Variants in ZFHX3 observed in about 807,000 individuals in gnomAD.
ZFHX3 encodes the protein zinc finger homeobox 3, also known as zinc finger homeobox protein 3.
Under a neutral mutation model 279.1 loss-of-function variants are expected in ZFHX3, and 42 were observed. The observed-to-expected ratio is 0.15, with a 90% CI of 0.12 to 0.19. ZFHX3 has a LOEUF of 0.19. Among genes scored for constraint, ZFHX3 ranks in the 10% least tolerant of loss-of-function variants. ZFHX3 has a pLI of 1.00. For synonymous variants in ZFHX3, 2,293 were observed against 1,957.8 expected (o/e 1.17, Z -4.52); for missense variants, 4,981 against 4,754.0 (o/e 1.05, Z -1.40).
At chr16:73,327,388 A>C (rs1447996763) in intron 3 of ZFHX3, among the ~76,000 whole-genome samples, 1 of 152,176 alleles carries the variant, frequency 6.6e-6, no homozygotes, top group East Asian at 1.9e-4. Context: ...CCCTTCAAAG[A>C]GTCAGTCCTT....
At chr16:73,342,349 C>CTAATATAAT (rs2016048062) in intron 3 of ZFHX3, among the ~76,000 whole-genome samples, 1 of 152,076 alleles carries the variant, frequency 6.6e-6, no homozygotes, top group East Asian at 1.9e-4. Flanking sequence ...GACACCTGTC[C>CTAATATAAT]AACAATATAA....
chr16:72,853,960 AAAAAGAAAAGAAAAG>A (rs374264397), intron 4 of ZFHX3, among the ~76,000 whole-genome samples: 2 of 152,102 alleles, frequency 1.3e-5, no homozygotes, highest in Non-Finnish European at 2.9e-5. Context: ...AGGAAAAAAA[AAAAAGAAAAGAAAAG>A]AAAAGAAAAA....
Position 73,218,375 on chromosome 16 carries a change from G to T in ZFHX3, c.-1104+38672C>A, listed in dbSNP as rs144428725. Among the ~76,000 whole-genome samples the T allele has an allele frequency of 1.9e-3, 295 of 152,326 alleles. 2 individuals are homozygous for T. Among genetic ancestry groups the T allele is most frequent in the African/African-American group, 6.7e-3 (277 of 41,572 alleles). ...CTTGGATAAGGAAACACAGGATTAT[G>T]CAGAATAGTGCTGAGCTGGCTGCAG... On this transcript the variant is annotated intron_variant, in intron 5 of 17. Coordinates refer to the ZFHX3 transcript ENST00000641206.
In ZFHX3 at chr16:73,145,592, G is replaced by A. The variant is rs143704913; in HGVS notation, c.-1103-1761C>T. Among the ~76,000 whole-genome samples, 195 of 152,320 alleles carry A rather than the reference G, an allele frequency of 1.3e-3. 1 individual carries two copies. The highest frequency in any genetic ancestry group is 2.4e-3 in the Non-Finnish European group (166 of 68,024). On this transcript the variant is annotated intron_variant, in intron 5 of 17. Transcript: ENST00000641206. ...CCCTAACTGAAAGGCCTGCAGAGCCGCTTATTGATGACTGAGTTTTCCACT... is the reference window on the plus strand; with the variant it reads ...CCCTAACTGAAAGGCCTGCAGAGCCACTTATTGATGACTGAGTTTTCCACT...
At chr16:73,493,137 C>G (rs950757493) in intron 2 of ZFHX3, among the ~76,000 whole-genome samples, 7 of 152,024 alleles carry the variant, frequency 4.6e-5, no homozygotes, top group Non-Finnish European at 8.8e-5. Flanking sequence ...CCTCTCTGTT[C>G]TAACTTTCAG....
At chr16:73,724,703 G>A (rs118172043) in intron 1 of ZFHX3, among the ~76,000 whole-genome samples, 3 of 152,278 alleles carry the variant, frequency 2.0e-5, no homozygotes, top group South Asian at 4.1e-4. Flanking sequence ...CAACTTCCTC[G>A]GTTTTGGCTC....
At chr16:73,682,924 G>GAAAGAA (rs766109523) in intron 1 of ZFHX3, among the ~76,000 whole-genome samples, 2 of 43,474 alleles carry the variant, frequency 4.6e-5, no homozygotes, top group African/African-American at 7.6e-5. Context: ...AAGAGAGAAA[G>GAAAGAA]AGAAAGAAAG....
intron 4 of ZFHX3, among the ~76,000 whole-genome samples, chr16:72,855,204 C>T (rs1404678011): frequency 6.6e-6 from 1 of 152,216 alleles, no homozygotes; most frequent in Non-Finnish European, 1.5e-5. Context: ...AGATGGATGG[C>T]AAATTGCACC....
At chr16:73,837,930 C>G (rs1961187389) in intron 1 of ZFHX3, among the ~76,000 whole-genome samples, 1 of 152,208 alleles carries the variant, frequency 6.6e-6, no homozygotes, top group African/African-American at 2.4e-5. Context: ...GCCACCGCAC[C>G]CAGCCTCCTG....
chr16:73,806,485 A>G (rs1312806292), intron 1 of ZFHX3, among the ~76,000 whole-genome samples: 1 of 151,516 alleles, frequency 6.6e-6, no homozygotes, highest in Non-Finnish European at 1.5e-5. Context: ...TTGGGGCAAT[A>G]TGGGGAAAGT....
At chr16:72,817,573 C>A (rs2036649101) in intron 5 of ZFHX3, among the ~76,000 whole-genome samples, 1 of 152,220 alleles carries the variant, frequency 6.6e-6, no homozygotes. Context: ...CATCACTAAA[C>A]ACACCAGTGC....
intron 7 of ZFHX3, among the ~76,000 whole-genome samples, chr16:72,804,277 CTG>C (rs2036197517): frequency 6.6e-6 from 1 of 152,196 alleles, no homozygotes; most frequent in African/African-American, 2.4e-5. Context: ...TAAATAAACA[CTG>C]TACAGGATCC....
chr16:73,382,606 GT>G (rs776004326), intron 3 of ZFHX3, among the ~76,000 whole-genome samples: 6 of 151,990 alleles, frequency 3.9e-5, no homozygotes, highest in South Asian at 2.1e-4. Flanking sequence ...TGGCTGGAAT[GT>G]TTTTGCAGAC....
intron 1 of ZFHX3, among the ~76,000 whole-genome samples, chr16:73,716,825 T>A (rs2142233332): frequency 6.6e-6 from 1 of 152,214 alleles, no homozygotes; most frequent in East Asian, 1.9e-4. Context: ...GGTACAGAGA[T>A]GCCTCACCGT....
At chr16:72,841,417 A>G (rs901179291) in intron 4 of ZFHX3, among the ~76,000 whole-genome samples, 1 of 152,212 alleles carries the variant, frequency 6.6e-6, no homozygotes, top group African/African-American at 2.4e-5. Context: ...TGGAATTGCT[A>G]ACTTGTCATT....
rs372826805 is a variant in ZFHX3 at position 73,151,286 on chromosome 16, G to T, written c.-1103-7455C>A. On this transcript the variant is annotated intron_variant, in intron 5 of 17. Coordinates refer to the ZFHX3 transcript ENST00000641206. ...AAATAAAACGTACAACACAAAAAGT[G>T]GTGAGGGACATGGAGGGAAGGGGAG... 4.1e-4 allele frequency among the ~76,000 whole-genome samples: 62 copies of T among 152,288 alleles called. 1 individual carries two copies. The highest frequency in any genetic ancestry group is 1.4e-3 in the African/African-American group (60 of 41,568).
intron 1 of ZFHX3, among the ~76,000 whole-genome samples, chr16:73,738,879 A>G (rs1039742659): frequency 6.6e-6 from 1 of 152,160 alleles, no homozygotes; most frequent in Non-Finnish European, 1.5e-5. Flanking sequence ...GATGGAAGAA[A>G]GGGAGAAATC....
chr16:73,299,681 C>G (rs537054173), intron 4 of ZFHX3, among the ~76,000 whole-genome samples: 1 of 152,178 alleles, frequency 6.6e-6, no homozygotes, highest in African/African-American at 2.4e-5. Context: ...GACCTGGGCC[C>G]GCAAAGGGCA....
intron 4 of ZFHX3, among the ~76,000 whole-genome samples, chr16:72,863,273 T>C (rs1597322411): frequency 7.8e-6 from 1 of 128,190 alleles, no homozygotes; most frequent in South Asian, 2.5e-4. Flanking sequence ...GAGGTCGGAG[T>C]GGGAGGATTG....
Sources: gnomAD v4.1 joint callset for allele counts (sites outside exome capture counted in the v4.1 genomes callset) on GRCh38, gnomAD v4.1.1 for gene constraint, MANE v1.5 for transcripts, NCBI Gene and HGNC (gene_info 2026-07-23, HGNC 2026-07-21) for gene names.